The following DLG2 variants were observed in gnomAD, a reference collection of about 807,000 sequenced individuals.
DLG2 encodes the protein discs large MAGUK scaffold protein 2.
A neutral mutation model predicts 132.5 loss-of-function variants in DLG2; 45 were observed. The observed-to-expected ratio is 0.34, with a 90% CI of 0.27 to 0.44. The LOEUF is 0.44. Ranked by LOEUF, DLG2 falls within the 20% of genes least tolerant of loss-of-function variation. The pLI is 1.00. For missense variants in DLG2, 1,045 were observed against 1,196.9 expected, an observed-to-expected ratio of 0.87 and a Z score of 1.87; for synonymous variants, 424 against 419.6, an observed-to-expected ratio of 1.01 and a Z score of -0.13.
chr11:84,173,146 A>ATT (rs1156250132), intron 8 of DLG2, among the ~76,000 whole-genome samples: 2 of 152,246 alleles, frequency 1.3e-5, no homozygotes, highest in African/African-American at 4.8e-5. Context: ...AGGAACAAAT[A>ATT]TAGTTACTTA....
At chr11:83,915,952 T>C (rs2076852148) in intron 15 of DLG2, among the ~76,000 whole-genome samples, 2 of 152,198 alleles carry the variant, frequency 1.3e-5, no homozygotes, top group South Asian at 4.1e-4. Flanking sequence ...TACAGATTTA[T>C]TTGCCTATTG....
intron 5 of DLG2, among the ~76,000 whole-genome samples, chr11:85,122,356 T>C (rs144950863): frequency 1.8e-4 from 28 of 152,268 alleles, no homozygotes; most frequent in Non-Finnish European, 3.5e-4. Context: ...TAGGGAAGTA[T>C]CAAGCTAGGA....
intron 8 of DLG2, among the ~76,000 whole-genome samples, chr11:84,216,638 T>G (rs969052756): frequency 1.3e-5 from 2 of 152,034 alleles, no homozygotes; most frequent in African/African-American, 4.8e-5. Context: ...GAAATAGGGC[T>G]AAGAGTAAGG....
intron 14 of DLG2, among the ~76,000 whole-genome samples, chr11:83,955,491 C>T (rs1478090144): frequency 3.3e-5 from 5 of 152,192 alleles, no homozygotes; most frequent in Non-Finnish European, 7.3e-5. Context: ...GCAAAAATAA[C>T]AGCCTGAAAC....
chr11:83,917,558 C>T (rs2154117621), intron 15 of DLG2, among the ~76,000 whole-genome samples: 2 of 152,256 alleles, frequency 1.3e-5, no homozygotes, highest in Middle Eastern at 6.8e-3. Context: ...ATCAAAAAAT[C>T]CCAGGGGAAA....
intron 6 of DLG2, among the ~76,000 whole-genome samples, chr11:84,721,732 C>T (rs1357521083): frequency 2.6e-5 from 4 of 152,234 alleles, no homozygotes; most frequent in South Asian, 2.1e-4. Context: ...GCAAAACATC[C>T]GAGTTTGGAA....
intron 6 of DLG2, among the ~76,000 whole-genome samples, chr11:84,812,545 T>C (rs907387687): frequency 2.0e-5 from 3 of 152,158 alleles, no homozygotes; most frequent in African/African-American, 7.2e-5. Flanking sequence ...CTCCACCATA[T>C]GTGACTAGTT....
At chr11:84,979,643 C>T (rs1337290745) in intron 6 of DLG2, among the ~76,000 whole-genome samples, 2 of 151,850 alleles carry the variant, frequency 1.3e-5, no homozygotes, top group Admixed American at 6.6e-5. Flanking sequence ...ACGTCACACA[C>T]CAGGGCCTGT....
intron 4 of DLG2, among the ~76,000 whole-genome samples, chr11:85,261,525 G>A (rs906702061): frequency 2.0e-5 from 3 of 152,046 alleles, no homozygotes; most frequent in East Asian, 1.9e-4. Flanking sequence ...AGCAGACCCC[G>A]TGGGCCATTG....
chr11:85,360,179 T>C (rs1293253554), intron 3 of DLG2, among the ~76,000 whole-genome samples: 1 of 152,184 alleles, frequency 6.6e-6, no homozygotes, highest in Non-Finnish European at 1.5e-5. Context: ...CGGTTTCTAG[T>C]TGTCAGTTTA....
intron 17 of DLG2, among the ~76,000 whole-genome samples, chr11:83,825,466 C>T (rs957580421): frequency 1.3e-5 from 2 of 152,090 alleles, no homozygotes; most frequent in South Asian, 2.1e-4. Context: ...CAGGTGTGAG[C>T]CACTGTGCCC....
intron 6 of DLG2, chr11:84,936,713 T>C (rs1482647871): frequency 2.0e-5 from 3 of 152,172 alleles, no homozygotes; most frequent in Admixed American, 6.6e-5. Flanking sequence ...TTTTCTACAA[T>C]GAGCATGGCT....
At chr11:85,012,551 G>A (rs975950419) in intron 6 of DLG2, among the ~76,000 whole-genome samples, 2 of 151,636 alleles carry the variant, frequency 1.3e-5, no homozygotes, top group Admixed American at 6.6e-5. Context: ...AATGTGATAG[G>A]CATTATAATT....
At chr11:85,161,113 G>C (rs1187570242) in intron 4 of DLG2, among the ~76,000 whole-genome samples, 7 of 152,204 alleles carry the variant, frequency 4.6e-5, no homozygotes, top group Non-Finnish European at 8.8e-5. Context: ...ATGGATATCT[G>C]AGTGGTCAAA....
intron 3 of DLG2, among the ~76,000 whole-genome samples, chr11:85,334,878 A>G (rs1485044352): frequency 1.3e-5 from 2 of 152,146 alleles, no homozygotes; most frequent in Non-Finnish European, 2.9e-5. Flanking sequence ...TTCATGTGAC[A>G]ATGAAAATAA....
rs572279017 is a variant in DLG2 at position 84,561,847 on chromosome 11, CTTTTT to C, written c.358-27121_358-27117del. 2.5e-4 allele frequency among the ~76,000 whole-genome samples: 38 copies of C among 152,140 alleles called. 1 individual carries two copies. In the South Asian group the frequency reaches 7.9e-3, roughly 32 times the overall value. The stretch of plus-strand genomic sequence containing the variant: ...TAATTTGAAGATTTAAAATTGACTT[CTTTTT>C]TTAACTTCCTAAGTACTGATGAACA... On this transcript the variant is annotated intron_variant, in intron 6 of 27. Transcript: ENST00000376104.
intron 7 of DLG2, among the ~76,000 whole-genome samples, chr11:84,340,473 G>T (rs756012493): frequency 1.6e-4 from 24 of 152,114 alleles, no homozygotes; most frequent in Non-Finnish European, 2.9e-5. Flanking sequence ...AGAGAAAAAA[G>T]ATACTACATA....
chr11:85,264,222 G>A (rs999151814), intron 4 of DLG2, among the ~76,000 whole-genome samples: 3 of 152,112 alleles, frequency 2.0e-5, no homozygotes, highest in African/African-American at 7.2e-5. Context: ...GCATCCAGTA[G>A]AGTAAGAAAA....
intron 4 of DLG2, among the ~76,000 whole-genome samples, chr11:85,196,380 A>G (rs2152541812): frequency 6.6e-6 from 1 of 152,350 alleles, no homozygotes; most frequent in East Asian, 1.9e-4. Flanking sequence ...AATGATAAAT[A>G]ACATGCAAAG....
Sources: allele counts gnomAD v4.1 joint callset (sites outside exome capture counted in the v4.1 genomes callset), GRCh38; gene constraint gnomAD v4.1.1; transcripts MANE v1.5; gene names NCBI Gene and HGNC (gene_info 2026-07-23, HGNC 2026-07-21).